WDR90: variants seen among roughly 807,000 people sequenced by gnomAD.
WDR90 encodes the protein WD repeat-containing protein 90.
In WDR90, 238 loss-of-function variants were observed where a neutral mutation model predicts 195.2. The ratio of observed to expected loss-of-function variants is 1.22; its 90% CI spans 1.10 to 1.36. WDR90 has a LOEUF of 1.36. Ranked by LOEUF, WDR90 falls within the 40% of genes most tolerant of loss-of-function variation. WDR90 has a pLI of 0.00. For missense variants in WDR90, 2,734 were observed against 2,439.5 expected (o/e 1.12, Z -2.54); for synonymous variants, 1,265 against 1,052.4 (o/e 1.20, Z -3.91).
rs540237694 is a variant in WDR90, at chr16:656,586, A to G, written c.2202+49A>G. The G allele has an allele frequency of 5.1e-4, 807 of 1,572,572 alleles. 8 individuals carry two copies. The South Asian group carries it at 8.6e-3, about 17-fold the overall frequency. ...GGCAGGGAGGGCCGGGAGGTCCTGA[A>G]GCTGGGGTTTGTCAGCGGGGGTGAG... is the stretch of plus-strand genomic sequence containing the variant. On this transcript the variant is annotated intron_variant, in intron 18 of 40. Transcript: ENST00000293879.
Position 649,432 on chromosome 16 carries a change from G to A in WDR90, c.10+6G>A, listed in dbSNP as rs1157680798. 7.7e-7 allele frequency: 1 copy of A among 1,300,646 alleles called. No homozygotes were observed. Among genetic ancestry groups the A allele is most frequent in the Non-Finnish European group, 9.7e-7 (1 of 1,027,542 alleles). The allele number at this position is 1,300,646 out of a possible 1,614,324, so 80.6% of individuals were successfully genotyped here. Reference sequence around the variant, plus strand: ...CGGCGGCGCCATGGCCCGAGGTAGCGCGCGGCTGGCGGGGGTCCCGAGGAT... The same window carrying A: ...CGGCGGCGCCATGGCCCGAGGTAGCACGCGGCTGGCGGGGGTCCCGAGGAT... On this transcript the variant is annotated splice_donor_region_variant and intron_variant, in intron 1 of 40. Transcript: ENST00000293879.
intron 15 of WDR90, 44 bp downstream of exon 15, chr16:655,512 C>A: frequency 6.5e-7 from 1 of 1,541,668 alleles, no homozygotes; most frequent in Non-Finnish European, 8.7e-7. Context: ...GCATGGGGGC[C>A]CTGGTGCCTG....
chr16:665,265 C>T (rs1483613695), intron 34 of WDR90: 2 of 384,664 alleles, frequency 5.2e-6, no homozygotes, highest in Admixed American at 4.6e-5. Context: ...TGTCTTTCAG[C>T]CTCAGTCTGC....
Position 657,835 on chromosome 16 carries a change from C to G in WDR90, c.2547C>G (p.Ala849=). 1 of 1,582,960 alleles carries G rather than the reference C, an allele frequency of 6.3e-7. No homozygotes were observed. The part of the protein sequence containing the change: ...LAVSRDGRLL[A]FVGPSRCTVT... ...TCAGCAGGGATGGCCGCCTGCTGGC[C>G]TTTGTGGGACCCTCCAGGTGCACAG... is the stretch of plus-strand genomic sequence containing the variant. Residue 849 remains alanine, a synonymous_variant, in exon 21 of 41, where the codon GCC becomes GCG. Transcript: ENST00000293879.
In WDR90 at chr16:655,898, G is replaced by A. The variant is rs772531209; in HGVS notation, c.1966+9G>A. The A allele has an allele frequency of 2.4e-5, 38 of 1,586,114 alleles. 1 individual carries two copies. The East Asian group carries it at 8.4e-4, about 35-fold the overall frequency. On this transcript the variant is annotated intron_variant, in intron 17 of 40. Transcript: ENST00000293879. Reference sequence around the variant, plus strand: ...GGTGCTCCTGGAGGCAGGTGATGCTGTGGGCACGCTCTCCCAACTCCGGGA... The same window carrying A: ...GGTGCTCCTGGAGGCAGGTGATGCTATGGGCACGCTCTCCCAACTCCGGGA...
chr16:659,107 C>T lies in WDR90; in HGVS notation c.3033C>T (p.Ala1011=), dbSNP rs1468820901. The T allele has an allele frequency of 2.5e-6, 4 of 1,612,304 alleles. No homozygotes were observed. The highest frequency in any genetic ancestry group is 3.4e-6 in the Non-Finnish European group (4 of 1,180,006). Residue 1011 remains alanine, a synonymous_variant, in exon 25 of 41, where the codon GCC becomes GCT. Coordinates refer to ENST00000293879, the MANE Select transcript of WDR90 (RefSeq NM_145294.5). Reference sequence around the variant, plus strand: ...CCAGCGACCAAAGCTTCCCCGGGGCCCCCCCAGCCTGCAAGACAGGTGAGT... The same window carrying T: ...CCAGCGACCAAAGCTTCCCCGGGGCTCCCCCAGCCTGCAAGACAGGTGAGT... ...PTESDQSFPG[A]PPACKTGPGA...
rs763566658 is a variant in WDR90, at chr16:653,346, G to T, written c.1128G>T (p.Leu376=). The change falls in exon 11 of 41, where the codon CTG becomes CTT. Residue 376 remains leucine, a synonymous_variant. Coordinates refer to ENST00000293879, the MANE Select transcript of WDR90 (RefSeq NM_145294.5). Reference sequence around the variant, plus strand: ...CCCCCGCCCCCTTGTGCCAGGCCCTGTGGACCCCAGACGGGGCGGCTGTCG... The same window carrying T: ...CCCCCGCCCCCTTGTGCCAGGCCCTTTGGACCCCAGACGGGGCGGCTGTCG... The part of the protein sequence containing the change: ...GFGGHGTRQA[L]WTPDGAAVVY... 6.4e-7 allele frequency: 1 copy of T among 1,555,554 alleles called. No individual in the cohort carries two copies. Among genetic ancestry groups the T allele is most frequent in the Non-Finnish European group, 8.7e-7 (1 of 1,152,428 alleles).
chr16:662,441 C>T, intron 33 of WDR90, 110 bp downstream of exon 33: 1 of 1,351,720 alleles, frequency 7.4e-7, no homozygotes, highest in Non-Finnish European at 1.0e-6. Flanking sequence ...AGACCGGCCG[C>T]CTGCTAGCCC....
At position 651,759 on chromosome 16, in the gene WDR90, C is replaced by T. The variant is rs200547679; in HGVS notation, c.840+12C>T. The T allele has an allele frequency of 5.0e-5, 80 of 1,612,992 alleles. No homozygotes were observed. The Admixed American group carries it at 1.3e-3, about 26-fold the overall frequency. ...CCAGCCCCACAGCCGTGAGTACCCC[C>T]TTCGCCCTATGAGATGGGGTTGGGG... On this transcript the variant is annotated intron_variant, in intron 8 of 40. Transcript: ENST00000293879.
At position 660,711 on chromosome 16, in the gene WDR90, A is replaced by ATGGT; in HGVS notation, c.3388_3389insTGGT (p.Thr1130MetfsTer78). On this transcript the variant is annotated frameshift_variant, in exon 28 of 41. Transcript: ENST00000293879. LOFTEE classifies it high-confidence loss of function. ...GGCCAACATGGTCTGGAGGCCGGACACAGGTGGGGGCCAAGAGCCTACCCC... is the reference window on the plus strand; with the variant it reads ...GGCCAACATGGTCTGGAGGCCGGACATGGTCAGGTGGGGGCCAAGAGCCTACCCC... 1.3e-6 allele frequency: 2 copies of ATGGT among 1,562,934 alleles called. No individual in the cohort carries two copies. The highest frequency in any genetic ancestry group is 2.3e-5 in the South Asian group (2 of 85,326).
In WDR90 at chr16:666,954, C is replaced by A. The variant is rs770927119; in HGVS notation, c.5054C>A (p.Ser1685Tyr). 6.2e-7 allele frequency: 1 copy of A among 1,611,160 alleles called. No homozygotes were observed. Among genetic ancestry groups the A allele is most frequent in the South Asian group, 1.1e-5 (1 of 90,730 alleles). The change falls in exon 40 of 41, where the codon TCC (serine) becomes TAC (tyrosine). Residue 1685 changes from serine (S) to tyrosine (Y), a missense_variant. By Grantham distance (144) the Ser-to-Tyr change is moderately radical (BLOSUM62 -2). Coordinates refer to ENST00000293879, the MANE Select transcript of WDR90 (RefSeq NM_145294.5). ...TTTTTTGCCATGTCCCTGAGCCTGTCCCCCGGGACCCACCTCCTGGCTGTT... is the reference window on the plus strand; with the variant it reads ...TTTTTTGCCATGTCCCTGAGCCTGTACCCCGGGACCCACCTCCTGGCTGTT... ...LPFFAMSLSL[S>Y]PGTHLLAVGF...
intron 28 of WDR90, 130 bp downstream of exon 28, chr16:660,844 GTAGCGCCTCCTGGCGCTCCAGCCGA>G: frequency 8.8e-7 from 1 of 1,132,548 alleles, no homozygotes; most frequent in Non-Finnish European, 1.2e-6. Flanking sequence ...TGTTCTCCCG[GTAGCGCCTCCTGGCGCTCCAGCCGA>G]GGTCCTGTGA....
intron 19 of WDR90, 85 bp downstream of exon 19, chr16:656,956 C>A: frequency 6.4e-7 from 1 of 1,561,320 alleles, no homozygotes; most frequent in Non-Finnish European, 8.7e-7. Context: ...GCAGGATGGC[C>A]AGTGCTGGCT....
In WDR90 at chr16:661,076, C is replaced by T; in HGVS notation, c.3417C>T (p.Arg1139=). 1.4e-6 allele frequency: 2 copies of T among 1,457,142 alleles called. No homozygotes were observed. The highest frequency in any genetic ancestry group is 1.2e-5 in the South Asian group (1 of 81,940). The allele number at this position is 1,457,142 out of a possible 1,614,324, so 90.3% of individuals were successfully genotyped here. A position where few individuals can be genotyped will look rare whatever the true frequency, so the allele number is the denominator to read the frequency against. Residue 1139 remains arginine, a synonymous_variant, in exon 29 of 41, where the codon CGC becomes CGT. Coordinates refer to ENST00000293879, the MANE Select transcript of WDR90 (RefSeq NM_145294.5). Reference sequence around the variant, plus strand: ...GCTTCTTTGCCTACACGTGCGGCCGCCTGGTGGTGGTGGAGGACCTGCACT... The same window carrying T: ...GCTTCTTTGCCTACACGTGCGGCCGTCTGGTGGTGGTGGAGGACCTGCACT... The part of the protein sequence containing the change: ...DTGFFAYTCG[R]LVVVEDLHSG...
At chr16:656,186 G>A in intron 17 of WDR90, 116 bp from the exon 18 acceptor site, 2 of 1,024,312 alleles carry the variant, frequency 2.0e-6, no homozygotes, top group Non-Finnish European at 2.8e-6. Flanking sequence ...GCCGTGTGGA[G>A]CCTGGGACTT....
At chr16:656,261 C>A (rs189828449) in intron 17 of WDR90, 41 bp from the exon 18 acceptor site, 2 of 1,566,366 alleles carry the variant, frequency 1.3e-6, no homozygotes, top group Non-Finnish European at 8.7e-7. Flanking sequence ...CGGCTCACCC[C>A]GGGGTGGCCC....
At position 656,384 on chromosome 16, in the gene WDR90, C is replaced by T; in HGVS notation, c.2049C>T (p.Gly683=). The change falls in exon 18 of 41, where the codon GGC becomes GGT. Residue 683 remains glycine, a synonymous_variant. Transcript: ENST00000293879. ...VLSATSSGHL[G]FLDTLSRVYH... Reference sequence around the variant, plus strand: ...CTGCCACCTCCTCGGGCCACCTGGGCTTCCTGGACACGCTGTCCCGGGTGT... The same window carrying T: ...CTGCCACCTCCTCGGGCCACCTGGGTTTCCTGGACACGCTGTCCCGGGTGT... 1 of 1,609,146 alleles carries T rather than the reference C, an allele frequency of 6.2e-7. No individual in the cohort carries two copies. The highest frequency in any genetic ancestry group is 8.5e-7 in the Non-Finnish European group (1 of 1,179,544).
intron 29 of WDR90, 41 bp downstream of exon 29, chr16:661,213 G>C: frequency 6.6e-7 from 1 of 1,517,422 alleles, no homozygotes; most frequent in South Asian, 1.2e-5. Context: ...CAGGGCCACC[G>C]TGCCCGGCAG....
rs372991517 is a variant in WDR90 at position 659,073 on chromosome 16, C to T, written c.3012-13C>T. On this transcript the variant is annotated splice_polypyrimidine_tract_variant and intron_variant, in intron 24 of 40. Transcript: ENST00000293879. ...CCCAGGCCCTCCTGAAACCCTCTCTCCTCCCTCTCCAGCGACCAAAGCTTC... is the reference window on the plus strand; with the variant it reads ...CCCAGGCCCTCCTGAAACCCTCTCTTCTCCCTCTCCAGCGACCAAAGCTTC... The T allele has an allele frequency of 6.2e-7, 1 of 1,613,172 alleles. No individual in the cohort carries two copies. The highest frequency in any genetic ancestry group is 2.2e-5 in the East Asian group (1 of 44,882).
Sources: gnomAD v4.1 joint callset for allele counts on GRCh38, gnomAD v4.1.1 for gene constraint, MANE v1.5 for transcripts, NCBI Gene and HGNC (gene_info 2026-07-23, HGNC 2026-07-21) for gene names.